Variants in TTC21B observed in about 807,000 individuals in gnomAD.
The protein encoded by TTC21B is tetratricopeptide repeat domain 21B.
TTC21B carries 127 observed loss-of-function variants against 175.1 expected under a neutral mutation model. The ratio of observed to expected loss-of-function variants is 0.73; its 90% CI spans 0.63 to 0.84. The LOEUF (loss-of-function observed/expected upper bound fraction) is 0.84. Among genes scored for constraint, TTC21B ranks in the 40% least tolerant of loss-of-function variants. The pLI is 0.00. For missense variants in TTC21B, 1,561 were observed against 1,558.3 expected (o/e 1.00, Z -0.03); for synonymous variants, 524 against 524.5 (o/e 1.00, Z 0.01).
intron 15 of TTC21B, among the ~76,000 whole-genome samples, chr2:165,913,880 C>CT (rs1686048946): frequency 6.6e-6 from 1 of 152,092 alleles, no homozygotes; most frequent in African/African-American, 2.4e-5. Flanking sequence ...ATGCAGGTAA[C>CT]TGAGTTCAGA....
At chr2:165,939,993 T>G (rs1387849204) in intron 6 of TTC21B, among the ~76,000 whole-genome samples, 1 of 152,158 alleles carries the variant, frequency 6.6e-6, no homozygotes, top group Admixed American at 6.5e-5. Flanking sequence ...CCTCTTAGGG[T>G]TACCCTAGGA....
chr2:165,883,329 A>T (rs1684895440), intron 26 of TTC21B, among the ~76,000 whole-genome samples: 1 of 152,180 alleles, frequency 6.6e-6, no homozygotes, highest in East Asian at 1.9e-4. Flanking sequence ...TTATTAAACA[A>T]ATGAAATTAA....
intron 15 of TTC21B, among the ~76,000 whole-genome samples, chr2:165,913,921 T>G (rs1166304008): frequency 1.3e-5 from 2 of 152,048 alleles, no homozygotes; most frequent in Non-Finnish European, 2.9e-5. Context: ...TCTCCTTATT[T>G]GGACCTACAC....
At position 165,943,220 on chromosome 2, in the gene TTC21B, T is replaced by C. The variant is rs781551391; in HGVS notation, c.551A>G (p.Lys184Arg). The C allele has an allele frequency of 1.2e-6, 2 of 1,613,600 alleles. No homozygotes were observed. The highest frequency in any genetic ancestry group is 3.3e-5 in the Admixed American group (2 of 60,026). Residue 184 changes from lysine (K) to arginine (R), a missense_variant and splice_region_variant, in exon 5 of 29, where the codon AAG becomes AGG. Transcript: ENST00000243344. ...TTATTTACCCTAACTCCAACTCACC[T>C]TACCCAGCAGAGCAAAAGTATCATT... ...DGNDTFALLG[K>R]AQCLEMRQNY...
At chr2:165,928,312 A>G (rs1686752639) in intron 11 of TTC21B, among the ~76,000 whole-genome samples, 1 of 152,128 alleles carries the variant, frequency 6.6e-6, no homozygotes, top group Non-Finnish European at 1.5e-5. Flanking sequence ...CAAAAGTACA[A>G]CAAGTAAGAG....
rs147980675 is a variant in TTC21B at position 165,886,206 on chromosome 2, T to C, written c.3459+2073A>G. On this transcript the variant is annotated intron_variant, in intron 25 of 28. Transcript: ENST00000243344. ...TATCTTGGTTCTTCAATCATACCTG[T>C]TTCTTAAATCCTATTTTTTCTTAAA... Among the ~76,000 whole-genome samples the C allele has an allele frequency of 1.2e-3, 176 of 152,328 alleles. 1 individual carries two copies. In the Middle Eastern group the frequency reaches 0.037, roughly 32 times the overall value.
intron 22 of TTC21B, among the ~76,000 whole-genome samples, chr2:165,893,052 A>C (rs1685247217): frequency 6.6e-6 from 1 of 152,216 alleles, no homozygotes; most frequent in African/African-American, 2.4e-5. Flanking sequence ...TAAAAAGGGC[A>C]CAATAAGAAT....
At chr2:165,892,278 CTTG>C (rs1439469510) in intron 22 of TTC21B, among the ~76,000 whole-genome samples, 2 of 152,068 alleles carry the variant, frequency 1.3e-5, no homozygotes, top group Non-Finnish European at 2.9e-5. Flanking sequence ...AACAAAAAAG[CTTG>C]TTTTAAAGCT....
At chr2:165,884,710 T>C (rs1684948764) in intron 25 of TTC21B, among the ~76,000 whole-genome samples, 1 of 152,218 alleles carries the variant, frequency 6.6e-6, no homozygotes. Context: ...AGTCAGAGAA[T>C]GTCACTCTGT....
intron 19 of TTC21B, among the ~76,000 whole-genome samples, chr2:165,907,126 G>C (rs1051966299): frequency 6.6e-6 from 1 of 151,872 alleles, no homozygotes; most frequent in African/African-American, 2.4e-5. Flanking sequence ...TTTAACATTT[G>C]AAAATAAGTC....
chr2:165,927,761 T>G (rs1394002191), intron 11 of TTC21B, among the ~76,000 whole-genome samples: 1 of 151,996 alleles, frequency 6.6e-6, no homozygotes, highest in Non-Finnish European at 1.5e-5. Flanking sequence ...TATGAGGGTT[T>G]AAGTTTAAAA....
At chr2:165,878,268 C>A (rs1054460256) in intron 27 of TTC21B, among the ~76,000 whole-genome samples, 27 of 152,140 alleles carry the variant, frequency 1.8e-4, no homozygotes, top group African/African-American at 5.8e-4. Flanking sequence ...GAAATAAAGA[C>A]CTAAGAAGGG....
chr2:165,945,533 A>T lies in TTC21B; in HGVS notation c.420T>A (p.Gly140=). ...TCAGAAAAATAGCTACCTGTTTACT[A>T]CCATCTGATATTTTGATCATTCTGT... ...YIDRMIKISD[G]SKQGHVLKAW... Residue 140 remains glycine (G), a synonymous_variant, in exon 4 of 29, where the codon GGT becomes GGA. Coordinates refer to ENST00000243344, the MANE Select transcript of TTC21B (RefSeq NM_024753.5). 6.2e-7 allele frequency: 1 copy of T among 1,613,312 alleles called. No homozygotes were observed. The highest frequency in any genetic ancestry group is 1.3e-5 in the African/African-American group (1 of 75,038).
At position 165,917,272 on chromosome 2, in the gene TTC21B, G is replaced by C; in HGVS notation, c.1884C>G (p.Arg628=). 1.2e-6 allele frequency: 2 copies of C among 1,614,070 alleles called. No individual in the cohort carries two copies. Among genetic ancestry groups the C allele is most frequent in the Non-Finnish European group, 1.7e-6 (2 of 1,179,946 alleles). Residue 628 remains arginine, a synonymous_variant, in exon 14 of 29, where the codon CGC becomes CGG. Coordinates refer to ENST00000243344, the MANE Select transcript of TTC21B (RefSeq NM_024753.5). The part of the protein sequence containing the change: ...SIFLELIDVH[R]LNGEQHEATK... ...CTTGACCTACCTGCTCTCCATTTAA[G>C]CGGTGAACGTCTATCAATTCAAGAA...
intron 6 of TTC21B, among the ~76,000 whole-genome samples, chr2:165,936,790 C>G (rs1687167794): frequency 6.6e-6 from 1 of 152,062 alleles, no homozygotes; most frequent in African/African-American, 2.4e-5. Flanking sequence ...AGAACACTGG[C>G]AACATCAAAT....
At chr2:165,875,023 G>A (rs1684620384) in intron 28 of TTC21B, among the ~76,000 whole-genome samples, 191 bp from the exon 29 acceptor site, 1 of 152,092 alleles carries the variant, frequency 6.6e-6, no homozygotes, top group Admixed American at 6.6e-5. Context: ...GTAGTTAGAT[G>A]AGAACAATAG....
chr2:165,878,526 A>T (rs1684741160), intron 27 of TTC21B, among the ~76,000 whole-genome samples: 1 of 151,938 alleles, frequency 6.6e-6, no homozygotes, highest in African/African-American at 2.4e-5. Flanking sequence ...GTCGGTGTGT[A>T]GATGTGGGTG....
chr2:165,884,989 A>G (rs962117162), intron 25 of TTC21B, among the ~76,000 whole-genome samples: 3 of 152,166 alleles, frequency 2.0e-5, no homozygotes, highest in Non-Finnish European at 4.4e-5. Flanking sequence ...AACTGAAAAT[A>G]CAAAAGAAAA....
intron 6 of TTC21B, among the ~76,000 whole-genome samples, chr2:165,936,012 T>C (rs987166601): frequency 6.6e-6 from 1 of 152,090 alleles, no homozygotes; most frequent in Non-Finnish European, 1.5e-5. Flanking sequence ...AGCAACATAC[T>C]ATGGAAGGAA....
Sources: gnomAD v4.1 joint callset for allele counts (sites outside exome capture counted in the v4.1 genomes callset) on GRCh38, gnomAD v4.1.1 for gene constraint, MANE v1.5 for transcripts, NCBI Gene and HGNC (gene_info 2026-07-23, HGNC 2026-07-21) for gene names.